Variants in SLC35A1 observed in about 807,000 individuals in gnomAD.
The protein encoded by SLC35A1 is CMP-sialic acid transporter.
A neutral mutation model predicts 40.3 loss-of-function variants in SLC35A1; 21 were observed. The observed-to-expected ratio is 0.52, with a 90% CI of 0.37 to 0.75. The LOEUF is 0.75. Among genes scored for constraint, SLC35A1 ranks in the 30% least tolerant of loss-of-function variants. The pLI is 0.00. For synonymous variants in SLC35A1, 146 were observed against 147.3 expected (o/e 0.99, Z 0.06); for missense variants, 297 against 382.1 (o/e 0.78, Z 1.86).
intron 2 of SLC35A1, among the ~76,000 whole-genome samples, chr6:87,489,831 A>ATTT (rs35994719): frequency 0.046 from 6,550 of 141,288 alleles, 181 homozygotes; most frequent in East Asian, 0.095. Flanking sequence ...GCCTGGCCAA[A>ATTT]TTTTTTTTTT....
At position 87,507,421 on chromosome 6, in the gene SLC35A1, G is replaced by A. The variant is rs79102133; in HGVS notation, c.574+973G>A. On this transcript the variant is annotated intron_variant, in intron 5 of 7. Coordinates refer to ENST00000369552, the MANE Select transcript of SLC35A1 (RefSeq NM_006416.5). ...ATATTTTGAACAGTTAAATGATTATGTCCAACATTTTATTAGTTCACTCTC... is the reference window on the plus strand; with the variant it reads ...ATATTTTGAACAGTTAAATGATTATATCCAACATTTTATTAGTTCACTCTC... Among the ~76,000 whole-genome samples the A allele has an allele frequency of 9.2e-3, 1,400 of 152,192 alleles. 23 individuals are homozygous for A. The highest frequency in any genetic ancestry group is 0.031 in the African/African-American group (1,301 of 41,524).
intron 7 of SLC35A1, among the ~76,000 whole-genome samples, chr6:87,510,501 A>G (rs1174420098): frequency 6.6e-6 from 1 of 152,202 alleles, no homozygotes; most frequent in Non-Finnish European, 1.5e-5. Context: ...GTGAACTAAA[A>G]TAAAGCTTGA....
chr6:87,509,251 A>G (rs1289541572), intron 7 of SLC35A1, 76 bp downstream of exon 7: 1 of 1,572,880 alleles, frequency 6.4e-7, no homozygotes. Context: ...CCCTTATTTA[A>G]AAGTGGCAGT....
At position 87,511,473 on chromosome 6, in the gene SLC35A1, A is replaced by G. The variant is rs1770272204; in HGVS notation, c.961A>G (p.Thr321Ala). ...CTATGGATTACCCAGACAAGACACT[A>G]CATCCATCCAACAAGGAGAAACAGC... ...YLYGLPRQDTTSIQQGETASK... is the reference protein window; with the variant it reads ...YLYGLPRQDTASIQQGETASK... Residue 321 changes from threonine to alanine, a missense_variant, in exon 8 of 8, where the codon ACA becomes GCA. Thr to Ala is a moderately conservative substitution (Grantham distance 58, BLOSUM62 0). Transcript: ENST00000369552. The G allele has an allele frequency of 6.2e-7, 1 of 1,613,766 alleles. No individual in the cohort carries two copies. The highest frequency in any genetic ancestry group is 8.5e-7 in the Non-Finnish European group (1 of 1,179,802).
chr6:87,500,452 A>C, intron 2 of SLC35A1, 56 bp from the exon 3 acceptor site: 1 of 1,543,622 alleles, frequency 6.5e-7, no homozygotes, highest in Non-Finnish European at 9.0e-7. Flanking sequence ...TATTAAAATA[A>C]TACTCTTTAA....
At chr6:87,505,573 A>G (rs1770055147) in intron 4 of SLC35A1, among the ~76,000 whole-genome samples, 1 of 152,186 alleles carries the variant, frequency 6.6e-6, no homozygotes, top group African/African-American at 2.4e-5. Flanking sequence ...CTCATAAAAA[A>G]CAGAAGTTTA....
intron 4 of SLC35A1, among the ~76,000 whole-genome samples, chr6:87,503,705 C>T (rs910313478): frequency 2.0e-5 from 3 of 152,072 alleles, no homozygotes; most frequent in African/African-American, 4.8e-5. Flanking sequence ...GTGCGAGACT[C>T]TGTTTCAATA....
At chr6:87,508,198 C>G (rs1770144334) in intron 5 of SLC35A1, among the ~76,000 whole-genome samples, 1 of 152,070 alleles carries the variant, frequency 6.6e-6, no homozygotes, top group Non-Finnish European at 1.5e-5. Flanking sequence ...TTATAAACTT[C>G]CCAATTAGTT....
chr6:87,506,220 A>C (rs1427064175), intron 4 of SLC35A1, among the ~76,000 whole-genome samples, 162 bp from the exon 5 acceptor site: 2 of 152,190 alleles, frequency 1.3e-5, no homozygotes, highest in African/African-American at 4.8e-5. Context: ...AATTTCTGGA[A>C]TGGTCTTTTT....
intron 2 of SLC35A1, among the ~76,000 whole-genome samples, chr6:87,478,933 G>T (rs577672648): frequency 6.6e-6 from 1 of 152,134 alleles, no homozygotes; most frequent in South Asian, 2.1e-4. Context: ...TGGCTCTGTC[G>T]TTCCCCTATT....
At chr6:87,503,711 CAAT>C (rs762381242) in intron 4 of SLC35A1, among the ~76,000 whole-genome samples, 43 of 152,100 alleles carry the variant, frequency 2.8e-4, no homozygotes, top group African/African-American at 8.9e-4. Flanking sequence ...GACTCTGTTT[CAAT>C]AATAATAATA....
At chr6:87,484,097 C>T (rs1769325748) in intron 2 of SLC35A1, among the ~76,000 whole-genome samples, 2 of 152,202 alleles carry the variant, frequency 1.3e-5, no homozygotes, top group African/African-American at 4.8e-5. Context: ...TTGGTCTGTG[C>T]ACAGTCATTG....
chr6:87,480,280 T>A (rs1769208116), intron 2 of SLC35A1, among the ~76,000 whole-genome samples: 1 of 152,204 alleles, frequency 6.6e-6, no homozygotes, highest in African/African-American at 2.4e-5. Context: ...GAGAAAGAGC[T>A]TAGCACAATT....
chr6:87,505,475 A>G (rs1770050997), intron 4 of SLC35A1, among the ~76,000 whole-genome samples: 1 of 152,240 alleles, frequency 6.6e-6, no homozygotes, highest in Non-Finnish European at 1.5e-5. Flanking sequence ...TATACATAAC[A>G]GAGCTGTGTA....
At chr6:87,504,215 G>A (rs1459494786) in intron 4 of SLC35A1, among the ~76,000 whole-genome samples, 1 of 150,694 alleles carries the variant, frequency 6.6e-6, no homozygotes, top group East Asian at 2.0e-4. Context: ...CACTTGAGCC[G>A]AGGAGGTTGA....
intron 1 of SLC35A1, among the ~76,000 whole-genome samples, chr6:87,474,760 G>A (rs569556248): frequency 1.6e-4 from 25 of 152,214 alleles, no homozygotes; most frequent in African/African-American, 5.3e-4. Context: ...CCATGTCAAA[G>A]CCCAATCTGT....
At chr6:87,489,581 A>T (rs1341114329) in intron 2 of SLC35A1, among the ~76,000 whole-genome samples, 2 of 124,340 alleles carry the variant, frequency 1.6e-5, no homozygotes, top group Non-Finnish European at 3.1e-5. Flanking sequence ...TTGCTCTGTC[A>T]TCCAGGCTGG....
At chr6:87,486,594 T>G (rs2127967160) in intron 2 of SLC35A1, among the ~76,000 whole-genome samples, 1 of 152,208 alleles carries the variant, frequency 6.6e-6, no homozygotes, top group East Asian at 1.9e-4. Context: ...TAGGTGATGT[T>G]ATGAGGGAAA....
Position 87,509,122 on chromosome 6 carries a change from C to T in SLC35A1, c.833C>T (p.Ala278Val), listed in dbSNP as rs776802737. 3.1e-5 allele frequency: 50 copies of T among 1,613,982 alleles called. No individual in the cohort carries two copies. The highest frequency in any genetic ancestry group is 8.3e-5 in the Admixed American group (5 of 59,994). The stretch of plus-strand genomic sequence containing the variant: ...ATCATGAAAGGCTTTTCTGCAGCAG[C>T]GGCCATTGTCCTTTCCACCATTGCT... ...DNIMKGFSAA[A>V]AIVLSTIASV... is the part of the protein sequence containing the mutation. Residue 278 changes from alanine (A) to valine (V), a missense_variant, in exon 7 of 8, where the codon GCG (alanine) becomes GTG (valine). By Grantham distance (64) the Ala-to-Val change is moderately conservative. Transcript: ENST00000369552.
Sources: gnomAD v4.1 joint callset for allele counts (sites outside exome capture counted in the v4.1 genomes callset) on GRCh38, gnomAD v4.1.1 for gene constraint, MANE v1.5 for transcripts, NCBI Gene and HGNC (gene_info 2026-07-23, HGNC 2026-07-21) for gene names.